The following MEI4 variants were observed in gnomAD, a reference collection of about 807,000 sequenced individuals.
MEI4 encodes meiosis-specific protein MEI4.
A neutral mutation model predicts 31.4 loss-of-function variants in MEI4; 27 were observed. The ratio of observed to expected loss-of-function variants is 0.86; its 90% CI spans 0.63 to 1.19. The LOEUF (loss-of-function observed/expected upper bound fraction) is 1.19, where lower values mean the gene tolerates loss of function less well. Among genes scored for constraint, MEI4 ranks in the 50% most tolerant of loss-of-function variants. The probability of loss-of-function intolerance (pLI) is 0.00; values close to 1 mark genes in which losing one functional copy is unlikely to be tolerated. For missense variants in MEI4, 329 were observed against 398.9 expected, an observed-to-expected ratio of 0.82 and a Z score of 1.49; for synonymous variants, 122 against 145.4, an observed-to-expected ratio of 0.84 and a Z score of 1.16.
chr6:77,756,375 A>T (rs1303810581), intron 2 of MEI4, among the ~76,000 whole-genome samples: 4 of 152,084 alleles, frequency 2.6e-5, no homozygotes, highest in Non-Finnish European at 5.9e-5. Flanking sequence ...TTACCTTATT[A>T]GGGAGTGAGT....
At chr6:77,890,256 C>G (rs1022566229) in intron 4 of MEI4, among the ~76,000 whole-genome samples, 7 of 152,194 alleles carry the variant, frequency 4.6e-5, no homozygotes, top group Admixed American at 1.3e-4. Flanking sequence ...GAGCTATACC[C>G]TGCAAAGCCA....
chr6:77,686,005 C>T (rs992768844), intron 1 of MEI4, among the ~76,000 whole-genome samples: 1 of 152,068 alleles, frequency 6.6e-6, no homozygotes, highest in Non-Finnish European at 1.5e-5. Flanking sequence ...GCCTTGGGGC[C>T]TCCCTGTGGT....
intron 4 of MEI4, among the ~76,000 whole-genome samples, chr6:77,867,768 G>C (rs1012009181): frequency 2.6e-5 from 4 of 152,116 alleles, no homozygotes; most frequent in Admixed American, 2.0e-4. Context: ...ACATGCACAC[G>C]TGTGTTTATT....
At chr6:77,821,735 G>A (rs1211583356) in intron 3 of MEI4, among the ~76,000 whole-genome samples, 1 of 146,796 alleles carries the variant, frequency 6.8e-6, no homozygotes, top group African/African-American at 2.6e-5. Flanking sequence ...AGCAGAGGTT[G>A]TGGTGAGCTG....
chr6:77,695,658 T>C (rs1407269066), intron 2 of MEI4, among the ~76,000 whole-genome samples: 1 of 152,232 alleles, frequency 6.6e-6, no homozygotes, highest in Admixed American at 6.5e-5. Flanking sequence ...GCTGTTTTGG[T>C]TACTGTAGCC....
At chr6:77,804,123 G>A (rs1294172992) in intron 3 of MEI4, among the ~76,000 whole-genome samples, 2 of 152,216 alleles carry the variant, frequency 1.3e-5, no homozygotes, top group African/African-American at 2.4e-5. Flanking sequence ...GCTCCACCCA[G>A]TTCGAGCTTC....
intron 3 of MEI4, among the ~76,000 whole-genome samples, chr6:77,804,328 C>G (rs541396298): frequency 6.6e-6 from 1 of 152,218 alleles, no homozygotes; most frequent in East Asian, 1.9e-4. Context: ...GTGGGAGTGA[C>G]CCGATTTTCC....
intron 2 of MEI4, among the ~76,000 whole-genome samples, chr6:77,727,348 T>C (rs1411775302): frequency 6.6e-6 from 1 of 152,196 alleles, no homozygotes; most frequent in Non-Finnish European, 1.5e-5. Context: ...GAAGTGAAGA[T>C]TAAAGGGGAT....
chr6:77,852,585 G>GTTTT lies in MEI4; in HGVS notation c.900+23532_900+23535dup, dbSNP rs58175580. On this transcript the variant is annotated intron_variant, in intron 4 of 4. Transcript: ENST00000684080. Reference sequence around the variant, plus strand: ...TTGTTTTTGTTTTTTGTTGTTGTTTGTTTTTTTTTTTTGTCTCACAGTTTT... The same window carrying GTTTT: ...TTGTTTTTGTTTTTTGTTGTTGTTTGTTTTTTTTTTTTTTTTGTCTCACAGTTTT... Among the ~76,000 whole-genome samples, 710 of 142,604 alleles carry GTTTT rather than the reference G, an allele frequency of 5.0e-3. 3 individuals carry two copies. Among genetic ancestry groups the GTTTT allele is most frequent in the African/African-American group, 0.018 (691 of 38,902 alleles). 93.6% of individuals were successfully genotyped at this position (142,604 alleles called of 152,430 possible). A position where few individuals can be genotyped will look rare whatever the true frequency, so the allele number is the denominator to read the frequency against.
intron 1 of MEI4, among the ~76,000 whole-genome samples, chr6:77,657,184 G>A: frequency 6.6e-6 from 1 of 152,142 alleles, no homozygotes; most frequent in East Asian, 1.9e-4. Flanking sequence ...CTGGGAACTG[G>A]ATTCCTTAAT....
chr6:77,916,009 A>G (rs545213863), intron 4 of MEI4, among the ~76,000 whole-genome samples: 23 of 151,888 alleles, frequency 1.5e-4, no homozygotes, highest in African/African-American at 5.3e-4. Context: ...ACCTATTTTC[A>G]AGTTCTGGAT....
rs1049435521 is a variant in MEI4 at position 77,711,463 on chromosome 6, C to T, written c.232+20560C>T. ...GGAAAGAGAAAGAGAATGGAAGGAA[C>T]TGATGTGGACCTTTCTGACATGGAC... On this transcript the variant is annotated intron_variant, in intron 2 of 4. Transcript: ENST00000684080. Among the ~76,000 whole-genome samples, 4 of 152,186 alleles carry T rather than the reference C, an allele frequency of 2.6e-5. No homozygotes were observed. The South Asian group carries it at 8.3e-4, about 32-fold the overall frequency.
intron 4 of MEI4, among the ~76,000 whole-genome samples, chr6:77,885,440 C>T (rs1456286153): frequency 2.6e-5 from 4 of 152,232 alleles, no homozygotes; most frequent in East Asian, 3.9e-4. Context: ...AATCCACTCA[C>T]GTCAGCCTCC....
intron 4 of MEI4, among the ~76,000 whole-genome samples, chr6:77,921,785 G>A (rs559227385): frequency 6.6e-6 from 1 of 151,856 alleles, no homozygotes; most frequent in South Asian, 2.1e-4. Flanking sequence ...GATAGGTAAT[G>A]GCCAATTGGT....
At chr6:77,761,042 CTTATT>C (rs1768032316) in intron 2 of MEI4, 83 bp from the exon 3 acceptor site, 12 of 911,340 alleles carry the variant, frequency 1.3e-5, no homozygotes, top group Non-Finnish European at 1.4e-5. Context: ...TACTTCATTT[CTTATT>C]TTAAGATAAG....
intron 2 of MEI4, among the ~76,000 whole-genome samples, chr6:77,748,030 A>T (rs114905580): frequency 0.012 from 1,803 of 152,304 alleles, 42 homozygotes; most frequent in African/African-American, 0.041. Flanking sequence ...GCATCTGCTG[A>T]TGCAAGGGGT....
At chr6:77,835,259 C>G (rs796720302) in intron 4 of MEI4, among the ~76,000 whole-genome samples, 9 of 150,718 alleles carry the variant, frequency 6.0e-5, no homozygotes, top group African/African-American at 1.9e-4. Context: ...ACTTGGGAGG[C>G]TGAGGCAGGA....
At chr6:77,791,105 A>C (rs1027505874) in intron 3 of MEI4, among the ~76,000 whole-genome samples, 3 of 152,232 alleles carry the variant, frequency 2.0e-5, no homozygotes, top group Middle Eastern at 6.8e-3. Flanking sequence ...TAGTTCAACC[A>C]TTGTGGAAGT....
rs1363319825 is a variant in MEI4 at position 77,926,639 on chromosome 6, A to G, written c.*3293A>G. ...TTACAGATTTTCTGAACGCCATATT[A>G]TGGGGAAAATATTGACAGCTCTGCT... On this transcript the variant is annotated 3_prime_UTR_variant, in exon 5 of 5. Coordinates refer to ENST00000684080, the MANE Select transcript of MEI4 (RefSeq NM_001322247.2). The G allele has an allele frequency of 2.6e-5, 4 of 152,036 alleles. No homozygotes were observed. The East Asian group carries it at 5.8e-4, about 22-fold the overall frequency. The allele number at this position is 152,036 out of a possible 1,614,324, so 9.4% of individuals were successfully genotyped here. A position where few individuals can be genotyped will look rare whatever the true frequency, so the allele number is the denominator to read the frequency against.
Sources: allele counts gnomAD v4.1 joint callset (sites outside exome capture counted in the v4.1 genomes callset), GRCh38; gene constraint gnomAD v4.1.1; transcripts MANE v1.5; gene names NCBI Gene and HGNC (gene_info 2026-07-23, HGNC 2026-07-21).